Variants in CFAP44 observed in about 807,000 individuals in gnomAD.
The protein encoded by CFAP44 is cilia and flagella associated protein 44.
A neutral mutation model predicts 216.2 loss-of-function variants in CFAP44; 134 were observed. The ratio of observed to expected loss-of-function variants is 0.62; its 90% CI spans 0.54 to 0.72. The LOEUF (loss-of-function observed/expected upper bound fraction) is 0.72, where lower values mean the gene tolerates loss of function less well. Among genes scored for constraint, CFAP44 ranks in the 30% least tolerant of loss-of-function variants. The probability of loss-of-function intolerance (pLI) is 0.00; values close to 1 mark genes in which losing one functional copy is unlikely to be tolerated. For missense variants in CFAP44, 2,035 were observed against 2,182.1 expected, an observed-to-expected ratio of 0.93 and a Z score of 1.34; for synonymous variants, 700 against 727.6, an observed-to-expected ratio of 0.96 and a Z score of 0.61.
At chr3:113,304,220 C>T in intron 31 of CFAP44, 103 bp from the exon 32 acceptor site, 4 of 1,236,754 alleles carry the variant, frequency 3.2e-6, no homozygotes, top group South Asian at 1.6e-5. Context: ...CCTTGTTTAG[C>T]TCCTTGCCTT....
rs554032956 is a variant in CFAP44, at chr3:113,406,062, G to A, written c.1005+865C>T. Reference sequence around the variant, plus strand: ...ATAACTCATTCTAATAGGAAGCTATGTAAAATATTGATAGAGAACTAATCC... The same window carrying A: ...ATAACTCATTCTAATAGGAAGCTATATAAAATATTGATAGAGAACTAATCC... On this transcript the variant is annotated intron_variant, in intron 8 of 34. Coordinates refer to ENST00000393845, the MANE Select transcript of CFAP44 (RefSeq NM_001164496.2). 2.6e-4 allele frequency among the ~76,000 whole-genome samples: 40 copies of A among 152,308 alleles called. No homozygotes were observed. The South Asian group carries it at 7.9e-3, about 30-fold the overall frequency.
chr3:113,433,429 C>CAGAAAAAAAAAAAA (rs1935156603), intron 2 of CFAP44, 136 bp downstream of exon 2: 4 of 121,458 alleles, frequency 3.3e-5, no homozygotes, highest in Non-Finnish European at 5.3e-5. Context: ...AACTCCATCT[C>CAGAAAAAAAAAAAA]AAAAAAAAAA....
intron 34 of CFAP44, 190 bp downstream of exon 34, chr3:113,294,497 A>C: frequency 1.6e-6 from 1 of 640,670 alleles, no homozygotes. Context: ...GCGTTCAATA[A>C]AGCTAGTCCC....
At chr3:113,404,414 G>A (rs1172675410) in intron 8 of CFAP44, among the ~76,000 whole-genome samples, 2 of 152,174 alleles carry the variant, frequency 1.3e-5, no homozygotes, top group East Asian at 3.8e-4. Context: ...ACTGAATTAA[G>A]TAGATTATAG....
chr3:113,427,582 C>T, intron 2 of CFAP44: 1 of 365,512 alleles, frequency 2.7e-6, no homozygotes, highest in Non-Finnish European at 4.8e-6. Flanking sequence ...TAAATACTTA[C>T]AAGAAGTAAA....
At chr3:113,323,930 G>T (rs548700324) in intron 28 of CFAP44, among the ~76,000 whole-genome samples, 5 of 152,036 alleles carry the variant, frequency 3.3e-5, no homozygotes, top group African/African-American at 1.2e-4. Flanking sequence ...TATAGTCCCA[G>T]CTACTTGGGA....
Position 113,290,775 on chromosome 3 carries a change from G to A in CFAP44, c.*782C>T, listed in dbSNP as rs1949821368. 6.6e-6 allele frequency: 1 copy of A among 152,290 alleles called. No homozygotes were observed. The highest frequency in any genetic ancestry group is 2.1e-4 in the South Asian group (1 of 4,818). 9.4% of individuals were successfully genotyped at this position (152,290 alleles called of 1,614,324 possible). A position where few individuals can be genotyped will look rare whatever the true frequency, so the allele number is the denominator to read the frequency against. On this transcript the variant is annotated 3_prime_UTR_variant, in exon 35 of 35. Transcript: ENST00000393845. ...CAAATGGCCCAAGTAAAACCTGAAAGAAAATGGCAGGGGACATGAGAAACT... is the reference window on the plus strand; with the variant it reads ...CAAATGGCCCAAGTAAAACCTGAAAAAAAATGGCAGGGGACATGAGAAACT...
intron 22 of CFAP44, among the ~76,000 whole-genome samples, chr3:113,345,994 C>T (rs145588415): frequency 7.9e-5 from 12 of 152,268 alleles, no homozygotes; most frequent in Admixed American, 2.0e-4. Context: ...TAAATTTTAG[C>T]CTTTCCATGA....
chr3:113,350,141 G>A (rs761360745), intron 22 of CFAP44, among the ~76,000 whole-genome samples: 4 of 152,154 alleles, frequency 2.6e-5, no homozygotes, highest in Admixed American at 6.5e-5. Context: ...CAGCATAAGC[G>A]GCTGGCAGAG....
rs548277744 is a variant in CFAP44 at position 113,387,312 on chromosome 3, A to C, written c.1891-6252T>G. 1.3e-5 allele frequency among the ~76,000 whole-genome samples: 2 copies of C among 152,242 alleles called. 1 individual carries two copies. The highest frequency in any genetic ancestry group is 3.9e-4 in the East Asian group (2 of 5,162). Reference sequence around the variant, plus strand: ...ATCTGCTTAAGGAGAGGAGGGGGAAAAATAAAGAGGACTTGGTCTTGCAAC... The same window carrying C: ...ATCTGCTTAAGGAGAGGAGGGGGAACAATAAAGAGGACTTGGTCTTGCAAC... On this transcript the variant is annotated intron_variant, in intron 15 of 34. Coordinates refer to ENST00000393845, the MANE Select transcript of CFAP44 (RefSeq NM_001164496.2).
intron 15 of CFAP44, among the ~76,000 whole-genome samples, chr3:113,385,808 G>GTT (rs1280899452): frequency 8.4e-6 from 1 of 119,612 alleles, no homozygotes; most frequent in East Asian, 2.8e-4. Flanking sequence ...GCTAATTTTT[G>GTT]TATTTTTTTT....
intron 9 of CFAP44, 63 bp downstream of exon 9, chr3:113,403,770 ACCTTTATGAGAAATAAAAC>A: frequency 7.0e-7 from 1 of 1,436,198 alleles, no homozygotes; most frequent in Middle Eastern, 1.9e-4. Flanking sequence ...TCACAAAATA[ACCTTTATGAGAAATAAAAC>A]CCTTTGGGTG....
At chr3:113,377,808 A>G (rs1254042091) in intron 17 of CFAP44, among the ~76,000 whole-genome samples, 1 of 152,046 alleles carries the variant, frequency 6.6e-6, no homozygotes, top group Non-Finnish European at 1.5e-5. Flanking sequence ...ACCTGCTACC[A>G]TGCCCGGCTA....
intron 6 of CFAP44, among the ~76,000 whole-genome samples, chr3:113,413,618 G>A (rs983933075): frequency 3.3e-5 from 5 of 152,160 alleles, no homozygotes. Flanking sequence ...ACCACTTACT[G>A]AATAGGAAAT....
intron 22 of CFAP44, 123 bp from the exon 23 acceptor site, chr3:113,344,835 A>T: frequency 1.1e-6 from 1 of 882,352 alleles, no homozygotes; most frequent in Non-Finnish European, 1.6e-6. Flanking sequence ...GCTAGACTCA[A>T]ATTTTAACAT....
chr3:113,410,618 G>A (rs1421226658), intron 6 of CFAP44, among the ~76,000 whole-genome samples: 9 of 152,178 alleles, frequency 5.9e-5, no homozygotes, highest in Non-Finnish European at 7.3e-5. Context: ...ACATGTGCAT[G>A]TGTCTTTATA....
At position 113,441,124 on chromosome 3, in the gene CFAP44, T is replaced by C. The variant is rs187378113; in HGVS notation, c.-6+329A>G. ...CGCACCCAGCTGAGCGCAGGGCAGGTGTCTCACTGGAGCGGGGAGCCCCAG... is the reference window on the plus strand; with the variant it reads ...CGCACCCAGCTGAGCGCAGGGCAGGCGTCTCACTGGAGCGGGGAGCCCCAG... On this transcript the variant is annotated intron_variant, in intron 1 of 34. Coordinates refer to ENST00000393845, the MANE Select transcript of CFAP44 (RefSeq NM_001164496.2). Among the ~76,000 whole-genome samples, 77 of 152,286 alleles carry C rather than the reference T, an allele frequency of 5.1e-4. 1 individual carries two copies. Among genetic ancestry groups the C allele is most frequent in the African/African-American group, 1.6e-3 (67 of 41,568 alleles).
At chr3:113,307,217 T>G (rs1949994556) in intron 29 of CFAP44, among the ~76,000 whole-genome samples, 1 of 152,182 alleles carries the variant, frequency 6.6e-6, no homozygotes, top group African/African-American at 2.4e-5. Flanking sequence ...AACACAAAAA[T>G]TTGAATAGGT....
intron 32 of CFAP44, among the ~76,000 whole-genome samples, chr3:113,300,506 C>A: frequency 6.7e-6 from 1 of 149,038 alleles, no homozygotes; most frequent in African/African-American, 2.5e-5. Flanking sequence ...TACTATGTAC[C>A]CACAAAAAAT....
Sources: allele counts gnomAD v4.1 joint callset (sites outside exome capture counted in the v4.1 genomes callset), GRCh38; gene constraint gnomAD v4.1.1; transcripts MANE v1.5; gene names NCBI Gene and HGNC (gene_info 2026-07-23, HGNC 2026-07-21).